Variants in MVB12A observed in about 807,000 individuals in gnomAD.
MVB12A encodes CIN85/CD2AP family binding protein.
In MVB12A, 30 loss-of-function variants were observed where a neutral mutation model predicts 34.3. The observed-to-expected ratio is 0.88, with a 90% CI of 0.65 to 1.19. MVB12A has a LOEUF of 1.19. Among genes scored for constraint, MVB12A ranks in the 50% most tolerant of loss-of-function variants. The pLI, the probability that MVB12A is intolerant of heterozygous loss-of-function variation, is 0.00. For synonymous variants in MVB12A, 158 were observed against 158.9 expected (o/e 0.99, Z 0.04); for missense variants, 355 against 369.2 (o/e 0.96, Z 0.31).
At chr19:17,419,362 AG>A (rs1417642274), upstream of MVB12A, 1 of 152,090 alleles carries the variant, frequency 6.6e-6, no homozygotes, top group Non-Finnish European at 1.5e-5. Context: ...CAAAGTGGGG[AG>A]GTAACTCGGT....
chr19:17,421,181 C>CTTT (rs10679842), intron 3 of MVB12A: 32,078 of 299,670 alleles, frequency 0.11, 43 homozygotes, highest in South Asian at 0.13. Flanking sequence ...GTTGGCAAAC[C>CTTT]TTTTTTTTTT....
chr19:17,421,310 G>C (rs957566594), intron 3 of MVB12A: 2 of 328,376 alleles, frequency 6.1e-6, no homozygotes, highest in South Asian at 4.8e-5. Context: ...TCATCCTCCA[G>C]AGTAGCTGGG....
Position 17,425,274 on chromosome 19 carries a change from C to T in MVB12A, c.*281C>T. 1 of 448,018 alleles carries T rather than the reference C, an allele frequency of 2.2e-6. No individual in the cohort carries two copies. Among genetic ancestry groups the T allele is most frequent in the Admixed American group, 4.0e-5 (1 of 24,722 alleles). The allele number at this position is 448,018 out of a possible 1,614,324, so 27.8% of individuals were successfully genotyped here. A position where few individuals can be genotyped will look rare whatever the true frequency, so the allele number is the denominator to read the frequency against. The stretch of plus-strand genomic sequence containing the variant: ...TTTAAGTCATTTGTGTCAAAACCCT[C>T]TGGGGTCCGGAGGCTGTGCGGGTGT... On this transcript the variant is annotated 3_prime_UTR_variant, in exon 9 of 9. Transcript: ENST00000317040.
chr19:17,417,559 T>C (rs911881992), upstream of MVB12A: 5 of 151,644 alleles, frequency 3.3e-5, no homozygotes, highest in African/African-American at 1.2e-4. Flanking sequence ...TGAGCCGAGA[T>C]TGCGCCACTG....
rs890026867 is a variant in MVB12A, at chr19:17,412,631, A to G, written c.-5+6335A>G. On this transcript the variant is annotated intron_variant, in intron 2 of 6. Coordinates refer to the MVB12A transcript ENST00000528604. Reference sequence around the variant, plus strand: ...CTTCCCAGTCAATTGGAATGTCCACACAAATTAGAAACTGAAACAGTATCT... The same window carrying G: ...CTTCCCAGTCAATTGGAATGTCCACGCAAATTAGAAACTGAAACAGTATCT... 9.9e-5 allele frequency among the ~76,000 whole-genome samples: 15 copies of G among 152,200 alleles called. 1 individual carries two copies. Among genetic ancestry groups the G allele is most frequent in the Admixed American group, 3.3e-4 (5 of 15,272 alleles).
chr19:17,408,227 G>A (rs904852677), intron 2 of MVB12A, among the ~76,000 whole-genome samples: 2 of 151,878 alleles, frequency 1.3e-5, no homozygotes, highest in African/African-American at 4.8e-5. Flanking sequence ...CTTGGCACCT[G>A]GGTGGCTTGC....
At chr19:17,412,511 C>G (rs1291872842) in intron 2 of MVB12A, among the ~76,000 whole-genome samples, 1 of 152,190 alleles carries the variant, frequency 6.6e-6, no homozygotes, top group Non-Finnish European at 1.5e-5. Context: ...AAGTGTTCCA[C>G]CCGCCTCAGC....
chr19:17,424,771 A>C, intron 8 of MVB12A, 94 bp downstream of exon 8: 1 of 1,488,554 alleles, frequency 6.7e-7, no homozygotes, highest in Non-Finnish European at 9.1e-7. Context: ...AGGCTGTCCC[A>C]GTTTTCCCCA....
At chr19:17,406,618 G>C (rs537831735) in intron 2 of MVB12A, among the ~76,000 whole-genome samples, 47 of 152,036 alleles carry the variant, frequency 3.1e-4, no homozygotes, top group African/African-American at 1.1e-3. Context: ...CCCAGGCCCT[G>C]ACTCCAACAT....
rs773121120 is a variant in MVB12A at position 17,422,332 on chromosome 19, A to G, written c.287A>G (p.Lys96Arg). 6.2e-7 allele frequency: 1 copy of G among 1,609,650 alleles called. No homozygotes were observed. The highest frequency in any genetic ancestry group is 8.5e-7 in the Non-Finnish European group (1 of 1,177,376). Residue 96 changes from lysine (K) to arginine (R), a missense_variant and splice_region_variant, in exon 4 of 9, where the codon AAG becomes AGG. By Grantham distance (26) the Lys-to-Arg change is conservative (BLOSUM62 2). Coordinates refer to ENST00000317040, the MANE Select transcript of MVB12A (RefSeq NM_138401.4). ...FSPVCDPMDS[K>R]ASVSKKKRMC... ...TCACTCCCCTACCCCCCACTCCCAG[A>G]GGCCTCTGTGTCCAAGAAGAAACGC...
Position 17,425,278 on chromosome 19 carries a change from G to T in MVB12A, c.*285G>T. 4.6e-6 allele frequency: 2 copies of T among 436,588 alleles called. No individual in the cohort carries two copies. The highest frequency in any genetic ancestry group is 4.1e-6 in the Non-Finnish European group (1 of 245,726). The allele number at this position is 436,588 out of a possible 1,614,324, so 27.0% of individuals were successfully genotyped here. Reference sequence around the variant, plus strand: ...AGTCATTTGTGTCAAAACCCTCTGGGGTCCGGAGGCTGTGCGGGTGTCCTC... The same window carrying T: ...AGTCATTTGTGTCAAAACCCTCTGGTGTCCGGAGGCTGTGCGGGTGTCCTC... On this transcript the variant is annotated 3_prime_UTR_variant, in exon 9 of 9. Transcript: ENST00000317040.
rs1160751645 is a variant in MVB12A at position 17,413,978 on chromosome 19, A to G, written c.-5+7682A>G. ...CCTATGTCCCAAGCTCTCACTTCCC[A>G]TAAAGAAGAATTCAGAATTCGGCCA... is the stretch of plus-strand genomic sequence containing the variant. On this transcript the variant is annotated intron_variant, in intron 2 of 6. Transcript: ENST00000528604. Among the ~76,000 whole-genome samples, 4 of 152,132 alleles carry G rather than the reference A, an allele frequency of 2.6e-5. No homozygotes were observed. The South Asian group carries it at 6.2e-4, about 24-fold the overall frequency.
Position 17,422,400 on chromosome 19 carries a change from G to A in MVB12A, c.355G>A (p.Val119Met), listed in dbSNP as rs749531230. Residue 119 changes from valine to methionine, a missense_variant, in exon 4 of 9, where the codon GTG becomes ATG. By Grantham distance (21) the Val-to-Met change is conservative (BLOSUM62 1). Coordinates refer to ENST00000317040, the MANE Select transcript of MVB12A (RefSeq NM_138401.4). ...LLPLGATDTA[V>M]FDVRLSGKTK... The stretch of plus-strand genomic sequence containing the variant: ...GCCCCTGGGAGCCACGGACACGGCT[G>A]TGTTTGATGTCCGGCTGAGTGGGAA... The A allele has an allele frequency of 6.2e-7, 1 of 1,613,768 alleles. No individual in the cohort carries two copies. The highest frequency in any genetic ancestry group is 1.1e-5 in the South Asian group (1 of 91,030).
chr19:17,417,110 C>T (rs1778849489), upstream of MVB12A: 2 of 346,572 alleles, frequency 5.8e-6, no homozygotes, highest in African/African-American at 2.2e-5. Flanking sequence ...TTTCAACTTA[C>T]AGTCAGCAAC....
intron 8 of MVB12A, 56 bp from the exon 9 acceptor site, chr19:17,424,875 C>A: frequency 2.2e-6 from 3 of 1,382,564 alleles, no homozygotes; most frequent in Non-Finnish European, 3.0e-6. Flanking sequence ...GTCACTCCCC[C>A]TTTGGCCCTC....
chr19:17,424,869 C>T, intron 8 of MVB12A, 62 bp from the exon 9 acceptor site: 1 of 1,314,292 alleles, frequency 7.6e-7, no homozygotes, highest in Non-Finnish European at 1.1e-6. Flanking sequence ...TCCTCAGTCA[C>T]TCCCCCTTTG....
In MVB12A at chr19:17,424,966, T is replaced by C; in HGVS notation, c.795T>C (p.Ala265=). ...NYGFVVEKTA[A]ARLPPSVS Reference sequence around the variant, plus strand: ...GCTTCGTGGTGGAGAAGACCGCGGCTGCCCGCCTGCCCCCCAGCGTCTCAT... The same window carrying C: ...GCTTCGTGGTGGAGAAGACCGCGGCCGCCCGCCTGCCCCCCAGCGTCTCAT... Residue 265 remains alanine (A), a synonymous_variant, in exon 9 of 9, where the codon GCT becomes GCC. Transcript: ENST00000317040. 15 of 1,603,482 alleles carry C rather than the reference T, an allele frequency of 9.4e-6. No individual in the cohort carries two copies. Among genetic ancestry groups the C allele is most frequent in the Non-Finnish European group, 1.2e-5 (14 of 1,172,250 alleles).
At chr19:17,415,649 A>G (rs138946918), upstream of MVB12A, 46 of 152,410 alleles carry the variant, frequency 3.0e-4, no homozygotes, top group African/African-American at 1.1e-3. Flanking sequence ...AAAGTAAATC[A>G]AGCCCCTTCC....
In MVB12A at chr19:17,422,386, C is replaced by T. The variant is rs1203622967; in HGVS notation, c.341C>T (p.Ala114Val). Residue 114 changes from alanine (A) to valine (V), a missense_variant, in exon 4 of 9, where the codon GCC (alanine) becomes GTC (valine). By Grantham distance (64) the Ala-to-Val change is moderately conservative. Transcript: ENST00000317040. ...TGTGTGAAGCTGTTGCCCCTGGGAG[C>T]CACGGACACGGCTGTGTTTGATGTC... Reference protein sequence around the residue: ...RMCVKLLPLGATDTAVFDVRL... With the variant: ...RMCVKLLPLGVTDTAVFDVRL... 1 of 1,613,538 alleles carries T rather than the reference C, an allele frequency of 6.2e-7. No homozygotes were observed. The highest frequency in any genetic ancestry group is 8.5e-7 in the Non-Finnish European group (1 of 1,179,720).
Sources: gnomAD v4.1 joint callset for allele counts (sites outside exome capture counted in the v4.1 genomes callset) on GRCh38, gnomAD v4.1.1 for gene constraint, MANE v1.5 for transcripts, NCBI Gene and HGNC (gene_info 2026-07-23, HGNC 2026-07-21) for gene names.